The following CDH13 variants were observed in gnomAD, a reference collection of about 807,000 sequenced individuals.
CDH13 encodes cadherin 13.
CDH13 carries 24 observed loss-of-function variants against 63.8 expected under a neutral mutation model. That is an observed-to-expected ratio of 0.38 (90% CI 0.27 to 0.53). CDH13 has a LOEUF of 0.53. Among genes scored for constraint, CDH13 ranks in the 20% least tolerant of loss-of-function variants. The pLI, the probability that CDH13 is intolerant of heterozygous loss-of-function variation, is 0.85. For synonymous variants in CDH13, 503 were observed against 355.3 expected (o/e 1.42, Z -4.67); for missense variants, 1,049 against 903.1 (o/e 1.16, Z -2.07).
chr16:82,913,981 T>G (rs953646766), intron 2 of CDH13, among the ~76,000 whole-genome samples: 2 of 151,574 alleles, frequency 1.3e-5, no homozygotes, highest in African/African-American at 4.9e-5. Context: ...AGACACCACT[T>G]GTTAAAATCT....
At chr16:83,547,506 T>C (rs999468097) in intron 7 of CDH13, among the ~76,000 whole-genome samples, 3 of 152,324 alleles carry the variant, frequency 2.0e-5, no homozygotes, top group African/African-American at 7.2e-5. Flanking sequence ...TGTGTGTCCA[T>C]GCTTTCTCAT....
At chr16:83,729,754 A>G (rs1910831777) in intron 10 of CDH13, among the ~76,000 whole-genome samples, 2 of 152,232 alleles carry the variant, frequency 1.3e-5, no homozygotes, top group Non-Finnish European at 2.9e-5. Flanking sequence ...AATAAATATT[A>G]TCTGTGACTC....
intron 6 of CDH13, among the ~76,000 whole-genome samples, chr16:83,353,792 C>T (rs985735173): frequency 6.6e-6 from 1 of 152,246 alleles, no homozygotes; most frequent in East Asian, 1.9e-4. Context: ...CCTTTGTATT[C>T]TGGGTGAACT....
intron 5 of CDH13, among the ~76,000 whole-genome samples, chr16:83,220,426 G>A (rs1567516809): frequency 6.6e-6 from 1 of 152,096 alleles, no homozygotes. Flanking sequence ...ACACGGTTGG[G>A]AGCAAATGTG....
chr16:82,902,658 A>G (rs2041509275), intron 2 of CDH13, among the ~76,000 whole-genome samples: 1 of 151,072 alleles, frequency 6.6e-6, no homozygotes, highest in African/African-American at 2.4e-5. Context: ...AATCAGTGTC[A>G]TATTCATTAC....
In CDH13 at chr16:83,500,270, CTT is replaced by C. The variant is rs2074242221; in HGVS notation, c.960+13616_960+13617del. ...TCTTCTTCTTCTTCTTCTTCTTCTT[CTT>C]CTTCTTCTTCTTCTTCTTCTTCTCC... is the stretch of plus-strand genomic sequence containing the variant. On this transcript the variant is annotated intron_variant, in intron 7 of 13. Coordinates refer to ENST00000567109, the MANE Select transcript of CDH13 (RefSeq NM_001257.5). Among the ~76,000 whole-genome samples the C allele has an allele frequency of 6.2e-4, 2 of 3,232 alleles. 1 individual carries two copies. Among genetic ancestry groups the C allele is most frequent in the African/African-American group, 7.9e-4 (2 of 2,522 alleles). The allele number at this position is 3,232 out of a possible 152,430, so 2.1% of individuals were successfully genotyped here. A position where few individuals can be genotyped will look rare whatever the true frequency, so the allele number is the denominator to read the frequency against.
At chr16:82,876,648 G>A (rs1597873358) in intron 2 of CDH13, among the ~76,000 whole-genome samples, 1 of 152,158 alleles carries the variant, frequency 6.6e-6, no homozygotes, top group Non-Finnish European at 1.5e-5. Flanking sequence ...TGTTAAGATA[G>A]GAATAACTTA....
intron 2 of CDH13, among the ~76,000 whole-genome samples, chr16:82,991,282 T>C (rs1384673072): frequency 6.6e-6 from 1 of 152,218 alleles, no homozygotes; most frequent in East Asian, 1.9e-4. Context: ...TTTGCAATAA[T>C]TTTGGTTTTT....
chr16:83,331,450 G>C (rs1213662822), intron 5 of CDH13, among the ~76,000 whole-genome samples: 2 of 152,140 alleles, frequency 1.3e-5, no homozygotes, highest in African/African-American at 4.8e-5. Flanking sequence ...TCAATGCTGA[G>C]GGATGTTGCA....
chr16:82,850,139 C>A (rs1437420711), intron 1 of CDH13, among the ~76,000 whole-genome samples: 2 of 152,156 alleles, frequency 1.3e-5, no homozygotes, highest in African/African-American at 2.4e-5. Context: ...GATTGTGATT[C>A]CTCTGATGGA....
At chr16:82,753,304 T>C (rs2034491167) in intron 1 of CDH13, among the ~76,000 whole-genome samples, 1 of 152,182 alleles carries the variant, frequency 6.6e-6, no homozygotes, top group Non-Finnish European at 1.5e-5. Flanking sequence ...TCTCACTTCA[T>C]CTCAAAAACA....
intron 2 of CDH13, among the ~76,000 whole-genome samples, chr16:83,028,674 T>C (rs1181853258): frequency 6.6e-6 from 1 of 152,298 alleles, no homozygotes; most frequent in Non-Finnish European, 1.5e-5. Context: ...AGTAAAATAT[T>C]AACAACAATA....
At chr16:83,411,099 C>T (rs1015805405) in intron 6 of CDH13, among the ~76,000 whole-genome samples, 1 of 152,222 alleles carries the variant, frequency 6.6e-6, no homozygotes, top group Non-Finnish European at 1.5e-5. Flanking sequence ...TCCTTTACAT[C>T]CTCCAGACAG....
intron 2 of CDH13, among the ~76,000 whole-genome samples, chr16:82,895,519 A>C (rs2041224534): frequency 6.6e-6 from 1 of 152,170 alleles, no homozygotes. Context: ...CCACATTGAC[A>C]CACAATTACC....
At chr16:83,667,123 GGA>G (rs1914054859) in intron 8 of CDH13, among the ~76,000 whole-genome samples, 1 of 151,062 alleles carries the variant, frequency 6.6e-6, no homozygotes, top group South Asian at 2.1e-4. Flanking sequence ...ATGGATGGAT[GGA>G]TGGATAAATA....
chr16:82,880,897 A>T (rs996222384), intron 2 of CDH13, among the ~76,000 whole-genome samples: 1 of 152,188 alleles, frequency 6.6e-6, no homozygotes, highest in South Asian at 2.1e-4. Context: ...TGTAAATCAG[A>T]TTAAATAATG....
intron 7 of CDH13, among the ~76,000 whole-genome samples, chr16:83,580,498 C>A (rs867162518): frequency 8.3e-6 from 1 of 120,320 alleles, no homozygotes; most frequent in Non-Finnish European, 1.7e-5. Context: ...CTCTCTCTCT[C>A]TCTCTCTCTA....
intron 4 of CDH13, among the ~76,000 whole-genome samples, chr16:83,148,864 T>A (rs1258780946): frequency 6.6e-6 from 1 of 151,002 alleles, no homozygotes; most frequent in South Asian, 2.1e-4. Flanking sequence ...CAGCTCCTTT[T>A]TATACAAAAA....
intron 7 of CDH13, among the ~76,000 whole-genome samples, chr16:83,571,037 AT>A (rs1243256783): frequency 1.3e-5 from 2 of 149,316 alleles, no homozygotes; most frequent in African/African-American, 4.9e-5. Context: ...GAGGAGCTGC[AT>A]TCCTCTCCAG....
Sources: gnomAD v4.1 joint callset for allele counts (sites outside exome capture counted in the v4.1 genomes callset) on GRCh38, gnomAD v4.1.1 for gene constraint, MANE v1.5 for transcripts, NCBI Gene and HGNC (gene_info 2026-07-23, HGNC 2026-07-21) for gene names.